Variants in KHDRBS2 observed in about 807,000 individuals in gnomAD.
KHDRBS2 encodes KH domain-containing, RNA-binding, signal transduction-associated protein 2.
Under a neutral mutation model 44.3 loss-of-function variants are expected in KHDRBS2, and 26 were observed. That is an observed-to-expected ratio of 0.59 (90% CI 0.43 to 0.81). The LOEUF (loss-of-function observed/expected upper bound fraction) is 0.81. Ranked by LOEUF, KHDRBS2 falls within the 40% of genes least tolerant of loss-of-function variation. The pLI is 0.00. For missense variants in KHDRBS2, 476 were observed against 433.1 expected, an observed-to-expected ratio of 1.10 and a Z score of -0.88; for synonymous variants, 194 against 151.1, an observed-to-expected ratio of 1.28 and a Z score of -2.08.
At chr6:61,633,418 T>A in the KHDRBS2 span, among the ~76,000 whole-genome samples, 1 of 152,094 alleles carries the variant, frequency 6.6e-6, no homozygotes, top group South Asian at 2.1e-4. Flanking sequence ...AGATGCCACA[T>A]GTTCACACTG....
chr6:62,134,833 GC>G (rs1811152707), intron 2 of KHDRBS2, among the ~76,000 whole-genome samples: 1 of 152,066 alleles, frequency 6.6e-6, no homozygotes, highest in South Asian at 2.1e-4. Flanking sequence ...CTTCATTTTG[GC>G]CAATTTCTCC....
chr6:61,732,978 T>A (rs560115761), intron 6 of KHDRBS2, among the ~76,000 whole-genome samples: 2 of 152,182 alleles, frequency 1.3e-5, no homozygotes, highest in Non-Finnish European at 2.9e-5. Flanking sequence ...CAGCATATCA[T>A]TGAAGCAGCA....
At chr6:61,758,398 A>G (rs1464877759) in intron 6 of KHDRBS2, among the ~76,000 whole-genome samples, 2 of 151,842 alleles carry the variant, frequency 1.3e-5, no homozygotes, top group South Asian at 2.1e-4. Flanking sequence ...TTGTATCCCT[A>G]TCTTCCACTA....
chr6:61,882,289 T>G (rs1004608721), intron 6 of KHDRBS2, among the ~76,000 whole-genome samples: 1 of 151,996 alleles, frequency 6.6e-6, no homozygotes, highest in African/African-American at 2.4e-5. Context: ...TATCCGTACC[T>G]CTCCAACTCT....
intron 6 of KHDRBS2, among the ~76,000 whole-genome samples, chr6:61,752,050 G>A (rs1217730790): frequency 1.3e-5 from 2 of 151,922 alleles, no homozygotes; most frequent in Admixed American, 6.6e-5. Context: ...CTCTTTAAAG[G>A]CCCTGTCTCG....
intron 6 of KHDRBS2, among the ~76,000 whole-genome samples, chr6:61,847,750 AG>A (rs1375695664): frequency 6.6e-6 from 1 of 151,930 alleles, no homozygotes; most frequent in Non-Finnish European, 1.5e-5. Context: ...CTTCATGGAG[AG>A]GGTTTCCGGA....
intron 2 of KHDRBS2, among the ~76,000 whole-genome samples, chr6:62,173,886 C>T (rs1220324346): frequency 1.3e-5 from 2 of 151,804 alleles, no homozygotes; most frequent in African/African-American, 4.8e-5. Flanking sequence ...AAACCCTGAA[C>T]AGACTAAGCA....
chr6:62,081,256 G>T (rs1282182991), intron 2 of KHDRBS2, among the ~76,000 whole-genome samples: 1 of 152,102 alleles, frequency 6.6e-6, no homozygotes, highest in Non-Finnish European at 1.5e-5. Context: ...ATCGGAAAAT[G>T]AATATAATAA....
At chr6:61,574,572 C>T in the KHDRBS2 span, among the ~76,000 whole-genome samples, 2 of 152,166 alleles carry the variant, frequency 1.3e-5, no homozygotes, top group East Asian at 1.9e-4. Context: ...CCAGTCAAAA[C>T]GAGTTACCAC....
At chr6:61,585,937 C>T in the KHDRBS2 span, among the ~76,000 whole-genome samples, 2 of 152,222 alleles carry the variant, frequency 1.3e-5, no homozygotes, top group African/African-American at 2.4e-5. Context: ...AACTTCTGTG[C>T]TTATCATGAA....
intron 4 of KHDRBS2, among the ~76,000 whole-genome samples, chr6:61,966,136 C>T (rs760800572): frequency 5.9e-5 from 9 of 151,718 alleles, no homozygotes; most frequent in Admixed American, 2.6e-4. Flanking sequence ...ATTTGTTTTA[C>T]GCTTAAAATG....
chr6:62,217,287 A>C (rs1330120607), intron 1 of KHDRBS2, among the ~76,000 whole-genome samples: 1 of 151,782 alleles, frequency 6.6e-6, no homozygotes, highest in Non-Finnish European at 1.5e-5. Context: ...CAGAAAAAAA[A>C]GCTAAATTCA....
chr6:62,186,956 T>C (rs1038430390), intron 1 of KHDRBS2, among the ~76,000 whole-genome samples: 1 of 152,096 alleles, frequency 6.6e-6, no homozygotes, highest in Non-Finnish European at 1.5e-5. Flanking sequence ...TAAATACACA[T>C]AGATTTCAAC....
At chr6:61,587,803 C>T in the KHDRBS2 span, among the ~76,000 whole-genome samples, 6 of 152,262 alleles carry the variant, frequency 3.9e-5, no homozygotes, top group South Asian at 2.1e-4. Flanking sequence ...TCTCTCAATG[C>T]CCTTACACTG....
At chr6:61,588,727 G>C in the KHDRBS2 span, among the ~76,000 whole-genome samples, 1 of 152,040 alleles carries the variant, frequency 6.6e-6, no homozygotes, top group Non-Finnish European at 1.5e-5. Context: ...GGGAGGTCAC[G>C]GTTGCAGTGA....
intron 4 of KHDRBS2, among the ~76,000 whole-genome samples, chr6:61,930,482 C>T (rs1761744): frequency 7.8e-6 from 1 of 127,904 alleles, no homozygotes; most frequent in Non-Finnish European, 1.6e-5. Flanking sequence ...TGTAGACTTT[C>T]TGAATGTATT....
At chr6:61,914,091 G>C (rs555182389) in intron 4 of KHDRBS2, among the ~76,000 whole-genome samples, 2 of 151,950 alleles carry the variant, frequency 1.3e-5, no homozygotes, top group Non-Finnish European at 2.9e-5. Flanking sequence ...GATTAAAGTA[G>C]GACTAGACTG....
intron 8 of KHDRBS2, among the ~76,000 whole-genome samples, chr6:61,689,778 T>C (rs1367503041): frequency 6.6e-6 from 1 of 152,014 alleles, no homozygotes; most frequent in East Asian, 1.9e-4. Context: ...TTGTTACCCA[T>C]TGAACTAAAG....
chr6:62,142,665 A>T (rs1215059260), intron 2 of KHDRBS2, among the ~76,000 whole-genome samples: 8 of 151,996 alleles, frequency 5.3e-5, no homozygotes, highest in Non-Finnish European at 8.8e-5. Context: ...GTCCCGATGA[A>T]TATGTCTATA....
Sources: gnomAD v4.1 joint callset for allele counts (sites outside exome capture counted in the v4.1 genomes callset) on GRCh38, gnomAD v4.1.1 for gene constraint, MANE v1.5 for transcripts, NCBI Gene and HGNC (gene_info 2026-07-23, HGNC 2026-07-21) for gene names.